The following INTS9 variants were observed in gnomAD, a reference collection of about 807,000 sequenced individuals.
The protein encoded by INTS9 is integrator complex subunit 9, also known as protein related to CPSF subunits of 74 kDa.
INTS9 carries 55 observed loss-of-function variants against 79.7 expected under a neutral mutation model. That is an observed-to-expected ratio of 0.69 (90% confidence interval 0.56 to 0.86). INTS9 has a LOEUF of 0.86. Ranked by LOEUF, INTS9 falls within the 40% of genes least tolerant of loss-of-function variation. The pLI, the probability that INTS9 is intolerant of heterozygous loss-of-function variation, is 0.00. For synonymous variants in INTS9, 319 were observed against 325.2 expected (o/e 0.98, Z 0.20); for missense variants, 721 against 831.5 (o/e 0.87, Z 1.64).
intron 6 of INTS9, among the ~76,000 whole-genome samples, chr8:28,818,294 T>C (rs1185789318): frequency 4.8e-5 from 7 of 146,064 alleles, no homozygotes; most frequent in Non-Finnish European, 7.5e-5. Flanking sequence ...GGGTTTGTCA[T>C]AGATAGCTCT....
intron 5 of INTS9, 34 bp downstream of exon 5, chr8:28,837,603 C>A: frequency 6.2e-7 from 1 of 1,602,830 alleles, no homozygotes; most frequent in South Asian, 1.1e-5. Context: ...GCTCCGCAGT[C>A]ACATCCTAGC....
chr8:28,780,774 A>C (rs1356614788), intron 12 of INTS9, 49 bp downstream of exon 12: 5 of 1,599,518 alleles, frequency 3.1e-6, no homozygotes, highest in East Asian at 2.2e-5. Context: ...GCATTCACTC[A>C]TGGCCTCAGT....
At chr8:28,780,127 C>A (rs241198) in intron 12 of INTS9, among the ~76,000 whole-genome samples, 75,316 of 145,598 alleles carry the variant, frequency 0.52, 21,483 homozygotes, top group Non-Finnish European at 0.65. Flanking sequence ...AGACCCTAAC[C>A]CATGGGTGTC....
chr8:28,789,055 A>G (rs1312404839), intron 10 of INTS9, among the ~76,000 whole-genome samples: 3 of 152,206 alleles, frequency 2.0e-5, no homozygotes, highest in African/African-American at 7.2e-5. Flanking sequence ...TTAAAAAAAC[A>G]TCACTTTATA....
intron 12 of INTS9, among the ~76,000 whole-genome samples, chr8:28,779,817 G>A (rs1215315964): frequency 6.6e-6 from 1 of 152,182 alleles, no homozygotes; most frequent in Non-Finnish European, 1.5e-5. Flanking sequence ...AAAGCTGGGG[G>A]AAGGGCTGAA....
At chr8:28,791,742 C>G (rs868194704) in intron 10 of INTS9, among the ~76,000 whole-genome samples, 3 of 152,170 alleles carry the variant, frequency 2.0e-5, no homozygotes, top group South Asian at 2.1e-4. Context: ...TCTTTGTATC[C>G]TCAGTGCTTT....
intron 2 of INTS9, among the ~76,000 whole-genome samples, chr8:28,850,880 G>A (rs1807792486): frequency 6.6e-6 from 1 of 152,188 alleles, no homozygotes; most frequent in Admixed American, 6.5e-5. Flanking sequence ...TGTCTAAAGT[G>A]AACAGCTTCT....
In INTS9 at chr8:28,812,362, C is replaced by T; in HGVS notation, c.709G>A (p.Val237Ile). Residue 237 changes from valine to isoleucine, a missense_variant, in exon 8 of 17, where the codon GTC (valine) becomes ATC (isoleucine). Physicochemically the swap from Val to Ile is conservative, Grantham distance 29. Around this residue, in one of 3 missense-constraint regions of INTS9, gnomAD observed 291 missense variants for 307.0 expected, o/e 0.95. Coordinates refer to ENST00000521022, the MANE Select transcript of INTS9 (RefSeq NM_018250.4). The stretch of plus-strand genomic sequence containing the variant: ...GTGGTAAGCAAGGAGGATCCAGAGA[C>T]ATAAGACACTTTCTCGTAATGAGAC... ...IQSHYEKVSY[V>I]SGSSLLTTHP... The T allele has an allele frequency of 6.2e-7, 1 of 1,614,102 alleles. No homozygotes were observed. The highest frequency in any genetic ancestry group is 8.5e-7 in the Non-Finnish European group (1 of 1,179,972).
At chr8:28,833,218 GA>G (rs1806601070) in intron 6 of INTS9, among the ~76,000 whole-genome samples, 1 of 152,188 alleles carries the variant, frequency 6.6e-6, no homozygotes, top group African/African-American at 2.4e-5. Flanking sequence ...TTCTAATGTT[GA>G]AATAAGCAGA....
rs1270889232 is a variant in INTS9 at position 28,861,519 on chromosome 8, T to G, written c.10-1956A>C. Among the ~76,000 whole-genome samples, 6 of 152,232 alleles carry G rather than the reference T, an allele frequency of 3.9e-5. No homozygotes were observed. The East Asian group carries it at 1.2e-3, about 29-fold the overall frequency. On this transcript the variant is annotated intron_variant, in intron 1 of 16. Coordinates refer to ENST00000521022, the MANE Select transcript of INTS9 (RefSeq NM_018250.4). Reference sequence around the variant, plus strand: ...AACAGTTATTTCTGAGTGGGAAGATTATTGTCCGATTTTCTTCTTTCAGCT... The same window carrying G: ...AACAGTTATTTCTGAGTGGGAAGATGATTGTCCGATTTTCTTCTTTCAGCT...
chr8:28,881,158 C>A (rs1174514049), intron 1 of INTS9, among the ~76,000 whole-genome samples: 2 of 145,236 alleles, frequency 1.4e-5, no homozygotes, highest in Non-Finnish European at 3.1e-5. Flanking sequence ...CTGGCCGCCC[C>A]GTCCGGGAGG....
chr8:28,817,672 T>C (rs1244637473), intron 6 of INTS9, among the ~76,000 whole-genome samples: 1 of 150,916 alleles, frequency 6.6e-6, no homozygotes. Flanking sequence ...TTTAAAGTAG[T>C]TTTTTCCAAT....
intron 2 of INTS9, among the ~76,000 whole-genome samples, chr8:28,853,391 C>T (rs1376272404): frequency 8.5e-6 from 1 of 116,976 alleles, no homozygotes; most frequent in Non-Finnish European, 1.7e-5. Context: ...CCAGCCTGGG[C>T]AAAAAGAGCA....
intron 11 of INTS9, among the ~76,000 whole-genome samples, chr8:28,786,195 T>C (rs1323314961): frequency 6.6e-6 from 1 of 152,262 alleles, no homozygotes; most frequent in Non-Finnish European, 1.5e-5. Flanking sequence ...TTCACAGTGA[T>C]GTAAGGGACT....
At chr8:28,819,693 A>T (rs1805712043) in intron 6 of INTS9, among the ~76,000 whole-genome samples, 1 of 152,118 alleles carries the variant, frequency 6.6e-6, no homozygotes, top group African/African-American at 2.4e-5. Flanking sequence ...GCTGAGTTCA[A>T]TTCCTGGGTA....
In INTS9 at chr8:28,822,901, T is replaced by C. The variant is rs183699744; in HGVS notation, c.489-9289A>G. On this transcript the variant is annotated intron_variant, in intron 6 of 16. Transcript: ENST00000521022. The stretch of plus-strand genomic sequence containing the variant: ...ACACTCTTTGTGTGGGAAAATTTAC[T>C]TCCCACACACTCTTTGGCAGGGAGT... 1.9e-4 allele frequency among the ~76,000 whole-genome samples: 29 copies of C among 152,194 alleles called. No homozygotes were observed. In the East Asian group the frequency reaches 5.4e-3, roughly 28 times the overall value.
At chr8:28,814,945 C>T (rs1297248339) in intron 6 of INTS9, among the ~76,000 whole-genome samples, 1 of 152,184 alleles carries the variant, frequency 6.6e-6, no homozygotes, top group Non-Finnish European at 1.5e-5. Flanking sequence ...AAGTCCTACC[C>T]ATGGCACATA....
At chr8:28,813,690 C>A in intron 6 of INTS9, 78 bp from the exon 7 acceptor site, 1 of 1,498,520 alleles carries the variant, frequency 6.7e-7, no homozygotes. Flanking sequence ...GTAATTTGTC[C>A]ATTTGATCCA....
rs142958387 is a variant in INTS9 at position 28,796,183 on chromosome 8, G to A, written c.856+361C>T. ...AAATTAGCCGGGTGTGTTGGCACAC[G>A]CCTGTAGTCCCAGCTACTCAGGAGA... On this transcript the variant is annotated intron_variant, in intron 9 of 16. Transcript: ENST00000521022. 1.8e-3 allele frequency among the ~76,000 whole-genome samples: 275 copies of A among 152,160 alleles called. 1 individual carries two copies. The highest frequency in any genetic ancestry group is 6.2e-3 in the African/African-American group (258 of 41,504).
Sources: allele counts gnomAD v4.1 joint callset (sites outside exome capture counted in the v4.1 genomes callset), GRCh38; gene constraint gnomAD v4.1.1; regional missense constraint gnomAD v4.1.1; transcripts MANE v1.5; gene names NCBI Gene and HGNC (gene_info 2026-07-23, HGNC 2026-07-21).